The following URB1 variants were observed in gnomAD, a reference collection of about 807,000 sequenced individuals.
URB1 encodes the protein URB1 ribosome biogenesis factor.
A neutral mutation model predicts 242.3 loss-of-function variants in URB1; 197 were observed. The observed-to-expected ratio is 0.81, with a 90% confidence interval of 0.72 to 0.91. The LOEUF (loss-of-function observed/expected upper bound fraction) is 0.91, where lower values mean the gene tolerates loss of function less well. Ranked by LOEUF, URB1 falls within the 40% of genes least tolerant of loss-of-function variation. The pLI is 0.00. For missense variants in URB1, 2,721 were observed against 2,860.5 expected (o/e 0.95, Z 1.11); for synonymous variants, 1,153 against 1,201.8 (o/e 0.96, Z 0.84).
intron 10 of URB1, among the ~76,000 whole-genome samples, chr21:32,364,803 A>C (rs542018917): frequency 2.6e-5 from 4 of 152,100 alleles, no homozygotes; most frequent in African/African-American, 7.2e-5. Flanking sequence ...ACAAAAAAAA[A>C]CAAACATCAT....
Position 32,345,690 on chromosome 21 carries a change from G to A in URB1, c.3869-115C>T, listed in dbSNP as rs2033079029. The A allele has an allele frequency of 1.4e-5, 16 of 1,114,304 alleles. No homozygotes were observed. In the South Asian group the frequency reaches 2.3e-4, roughly 16 times the overall value. 69.0% of individuals were successfully genotyped at this position (1,114,304 alleles called of 1,614,324 possible). ...TTAGGTATCCTGTGACCCTGGTGAT[G>A]CCACACCGGTGGCCTGAAATTGGTC... is the stretch of plus-strand genomic sequence containing the variant. On this transcript the variant is annotated intron_variant, in intron 22 of 38. Coordinates refer to ENST00000382751, the MANE Select transcript of URB1 (RefSeq NM_014825.3).
At chr21:32,367,727 A>C (rs1189011267) in intron 9 of URB1, among the ~76,000 whole-genome samples, 1 of 152,254 alleles carries the variant, frequency 6.6e-6, no homozygotes, top group Non-Finnish European at 1.5e-5. Context: ...CAACCTTTAA[A>C]AACTATCCTA....
intron 36 of URB1, among the ~76,000 whole-genome samples, chr21:32,318,986 CG>C (rs2032727633): frequency 6.6e-6 from 1 of 152,038 alleles, no homozygotes; most frequent in African/African-American, 2.4e-5. Context: ...GTTAAGTTCT[CG>C]GGGTCTTGAC....
chr21:32,316,773 G>A lies in URB1; in HGVS notation c.6327C>T (p.Ala2109=), dbSNP rs775017773. 1.2e-5 allele frequency: 18 copies of A among 1,549,870 alleles called. No individual in the cohort carries two copies. The highest frequency in any genetic ancestry group is 7.3e-5 in the East Asian group (3 of 40,878). Residue 2109 remains alanine (A), a synonymous_variant, in exon 38 of 39, where the codon GCC becomes GCT. Coordinates refer to ENST00000382751, the MANE Select transcript of URB1 (RefSeq NM_014825.3). The part of the protein sequence containing the change: ...LAVSWVLRSV[A]EHPLSRAEAA... ...CCTCTGCCCTGCTGAGCGGGTGCTC[G>A]GCCACCGACCGCAGCACCCAACTGA...
intron 11 of URB1, among the ~76,000 whole-genome samples, chr21:32,362,826 A>C (rs1014059653): frequency 6.6e-6 from 1 of 152,068 alleles, no homozygotes; most frequent in African/African-American, 2.4e-5. Flanking sequence ...GTAAGGACAC[A>C]ATCTACCCCT....
intron 14 of URB1, among the ~76,000 whole-genome samples, chr21:32,358,461 G>C (rs1275440940): frequency 6.6e-5 from 10 of 152,132 alleles, no homozygotes; most frequent in Admixed American, 6.5e-4. Flanking sequence ...TCCTCAAAAG[G>C]CTTTTGGGCT....
chr21:32,349,130 C>G (rs1407071238), intron 21 of URB1, among the ~76,000 whole-genome samples, 174 bp downstream of exon 21: 1 of 152,252 alleles, frequency 6.6e-6, no homozygotes, highest in East Asian at 1.9e-4. Context: ...GAAAGAGAAG[C>G]CCAAATTAAA....
intron 1 of URB1, among the ~76,000 whole-genome samples, chr21:32,389,130 T>G (rs1038347002): frequency 6.6e-6 from 1 of 152,158 alleles, no homozygotes; most frequent in Non-Finnish European, 1.5e-5. Context: ...TTGGGAAGGT[T>G]TCCTTTGAAG....
intron 5 of URB1, among the ~76,000 whole-genome samples, chr21:32,375,957 C>A (rs772104146): frequency 1.3e-5 from 2 of 151,084 alleles, no homozygotes; most frequent in Non-Finnish European, 3.0e-5. Context: ...ACGCTGTCTC[C>A]AAAAAAACAA....
At chr21:32,371,314 G>C (rs1334442251) in intron 8 of URB1, among the ~76,000 whole-genome samples, 2 of 152,174 alleles carry the variant, frequency 1.3e-5, no homozygotes, top group Admixed American at 6.5e-5. Context: ...TTGCTGCAAA[G>C]AGACGCACAC....
At position 32,358,189 on chromosome 21, in the gene URB1, G is replaced by T. The variant is rs1409214614; in HGVS notation, c.1870-533C>A. Among the ~76,000 whole-genome samples the T allele has an allele frequency of 2.0e-5, 3 of 152,084 alleles. No homozygotes were observed. In the East Asian group the frequency reaches 5.8e-4, roughly 29 times the overall value. On this transcript the variant is annotated intron_variant, in intron 14 of 38. Coordinates refer to ENST00000382751, the MANE Select transcript of URB1 (RefSeq NM_014825.3). ...TGTTCCTGTGCTGGAGCCGTCCCAG[G>T]GGCCCAGCTTACACTGACTCACTGA...
Position 32,345,576 on chromosome 21 carries a change from C to A in URB1, c.3869-1G>T. 5 of 1,533,116 alleles carry A rather than the reference C, an allele frequency of 3.3e-6. No individual in the cohort carries two copies. The highest frequency in any genetic ancestry group is 4.4e-6 in the Non-Finnish European group (5 of 1,132,492). 95.0% of individuals were successfully genotyped at this position (1,533,116 alleles called of 1,614,324 possible). A position where few individuals can be genotyped will look rare whatever the true frequency, so the allele number is the denominator to read the frequency against. ...AAGACAGGAATGACAGCGGAAGACA[C>A]TAGGGCAGAGATACAAAGGAGAAGT... On this transcript the variant is annotated splice_acceptor_variant, in intron 22 of 38. Transcript: ENST00000382751. LOFTEE classifies it high-confidence loss of function.
At chr21:32,358,035 C>CA (rs749717449) in intron 14 of URB1, among the ~76,000 whole-genome samples, 10 of 152,132 alleles carry the variant, frequency 6.6e-5, no homozygotes, top group African/African-American at 2.2e-4. Context: ...TCTCCAAAAA[C>CA]AAAAAACAAA....
At chr21:32,349,747 G>A (rs1208870131) in intron 20 of URB1, among the ~76,000 whole-genome samples, 2 of 152,170 alleles carry the variant, frequency 1.3e-5, no homozygotes, top group African/African-American at 4.8e-5. Context: ...AAAATCCCTT[G>A]AACCACATCA....
chr21:32,369,103 G>A (rs2033379133), intron 8 of URB1, among the ~76,000 whole-genome samples: 1 of 152,188 alleles, frequency 6.6e-6, no homozygotes, highest in Non-Finnish European at 1.5e-5. Flanking sequence ...AGCACTTTGG[G>A]AGGCCAAGGT....
intron 11 of URB1, among the ~76,000 whole-genome samples, chr21:32,362,376 T>C (rs936553747): frequency 6.6e-6 from 1 of 152,040 alleles, no homozygotes; most frequent in African/African-American, 2.4e-5. Context: ...CAGCTAATTT[T>C]TTGTATTTTT....
At chr21:32,324,689 C>A in intron 31 of URB1, 87 bp from the exon 32 acceptor site, 1 of 1,012,620 alleles carries the variant, frequency 9.9e-7, no homozygotes, top group Non-Finnish European at 1.5e-6. Context: ...AACCAGGGCT[C>A]GGCAGGGTGT....
Position 32,347,035 on chromosome 21 carries a change from C to T in URB1, c.3789G>A (p.Gly1263=). The T allele has an allele frequency of 2.6e-6, 4 of 1,549,644 alleles. No homozygotes were observed. The highest frequency in any genetic ancestry group is 3.5e-6 in the Non-Finnish European group (4 of 1,145,762). ...LQAGPGLGLQ[G]DLDDFLPLIH... is the part of the protein sequence containing the mutation. ...TGAGGGGAAGGAAGTCGTCCAGGTC[C>T]CCCTGGAGGCCGAGCCCTGGGCCAG... Residue 1263 remains glycine, a synonymous_variant, in exon 22 of 39, where the codon GGG becomes GGA. Coordinates refer to ENST00000382751, the MANE Select transcript of URB1 (RefSeq NM_014825.3).
At chr21:32,355,104 T>C (rs2033204274) in intron 16 of URB1, 107 bp from the exon 17 acceptor site, 1 of 1,318,874 alleles carries the variant, frequency 7.6e-7, no homozygotes, top group Admixed American at 2.9e-5. Context: ...ATATGTTCAA[T>C]CCTTAATTAG....
Sources: allele counts gnomAD v4.1 joint callset (sites outside exome capture counted in the v4.1 genomes callset), GRCh38; gene constraint gnomAD v4.1.1; transcripts MANE v1.5; gene names NCBI Gene and HGNC (gene_info 2026-07-23, HGNC 2026-07-21).